The following RIC1 variants were observed in gnomAD, a reference collection of about 807,000 sequenced individuals.
RIC1 encodes RIC1 partner of RAB6A GEF complex.
RIC1 carries 88 observed loss-of-function variants against 169.0 expected under a neutral mutation model. That is an observed-to-expected ratio of 0.52 (90% CI 0.44 to 0.62). The LOEUF is 0.62. RIC1 is among the 20% of genes least tolerant of loss of function. The pLI, the probability that RIC1 is intolerant of heterozygous loss-of-function variation, is 0.00. For missense variants in RIC1, 1,877 were observed against 1,725.5 expected, an observed-to-expected ratio of 1.09 and a Z score of -1.56; for synonymous variants, 790 against 601.5, an observed-to-expected ratio of 1.31 and a Z score of -4.59.
chr9:5,714,556 A>C (rs1357466083), intron 4 of RIC1, among the ~76,000 whole-genome samples: 1 of 152,160 alleles, frequency 6.6e-6, no homozygotes, highest in African/African-American at 2.4e-5. Flanking sequence ...TTTAGTTGTC[A>C]CTTAGTTTAG....
intron 6 of RIC1, among the ~76,000 whole-genome samples, chr9:5,722,635 C>T (rs964112694): frequency 1.3e-5 from 2 of 152,012 alleles, no homozygotes; most frequent in African/African-American, 2.4e-5. Context: ...TACACATGTG[C>T]CATGTTGGTG....
At chr9:5,762,450 G>A (rs773953272) in intron 17 of RIC1, 91 bp from the exon 18 acceptor site, 4 of 1,459,476 alleles carry the variant, frequency 2.7e-6, no homozygotes, top group Non-Finnish European at 3.8e-6. Flanking sequence ...AATGTAGATT[G>A]TTTGACCTAT....
At chr9:5,632,259 C>G (rs1817751202) in intron 1 of RIC1, among the ~76,000 whole-genome samples, 1 of 152,120 alleles carries the variant, frequency 6.6e-6, no homozygotes, top group Non-Finnish European at 1.5e-5. Context: ...GTTTAGTAGT[C>G]TAAGCTGGTT....
intron 6 of RIC1, among the ~76,000 whole-genome samples, chr9:5,730,548 T>A (rs1327819275): frequency 6.6e-6 from 1 of 152,144 alleles, no homozygotes; most frequent in Non-Finnish European, 1.5e-5. Context: ...GGTGCATGTT[T>A]AAGTGGTAAT....
intron 4 of RIC1, among the ~76,000 whole-genome samples, chr9:5,716,403 A>G (rs537395121): frequency 1.3e-5 from 2 of 152,286 alleles, no homozygotes; most frequent in Non-Finnish European, 2.9e-5. Context: ...TCATGAGGTC[A>G]GGAGTTTGAG....
chr9:5,774,096 A>G lies in RIC1; in HGVS notation c.4122A>G (p.Ala1374=), dbSNP rs913175539. The change falls in exon 26 of 26, where the codon GCA becomes GCG. Residue 1374 remains alanine (A), a synonymous_variant. Coordinates refer to ENST00000414202, the MANE Select transcript of RIC1 (RefSeq NM_020829.4). ...CTCCAGAACAGACTAGCCCCCGGGC[A>G]GAGGAGAGCAGGGGCTCCTCCAGCC... ...GKTPEQTSPR[A]EESRGSSSHG... The G allele has an allele frequency of 2.5e-6, 4 of 1,614,142 alleles. No homozygotes were observed. In the Admixed American group the frequency reaches 6.7e-5, roughly 27 times the overall value.
intron 10 of RIC1, among the ~76,000 whole-genome samples, chr9:5,745,270 G>T (rs1224759186): frequency 4.6e-5 from 7 of 152,078 alleles, no homozygotes; most frequent in Non-Finnish European, 1.0e-4. Flanking sequence ...GGCTACCCCT[G>T]CCCCTTCACC....
At chr9:5,726,413 T>C (rs79322111) in intron 6 of RIC1, among the ~76,000 whole-genome samples, 1 of 152,208 alleles carries the variant, frequency 6.6e-6, no homozygotes, top group East Asian at 1.9e-4. Flanking sequence ...TTGGTTGATC[T>C]TCCTCCATCC....
At chr9:5,695,551 C>G (rs1821842452) in intron 3 of RIC1, among the ~76,000 whole-genome samples, 1 of 150,146 alleles carries the variant, frequency 6.7e-6, no homozygotes, top group Non-Finnish European at 1.5e-5. Flanking sequence ...TGTCACTTTT[C>G]TCCTGGATTA....
chr9:5,722,989 G>C (rs2130878308), intron 6 of RIC1, among the ~76,000 whole-genome samples: 1 of 152,260 alleles, frequency 6.6e-6, no homozygotes, highest in South Asian at 2.1e-4. Context: ...CCAAGTCTTT[G>C]CTATTTGAAT....
intron 19 of RIC1, among the ~76,000 whole-genome samples, chr9:5,764,555 A>C (rs1431434811): frequency 1.3e-5 from 2 of 152,220 alleles, no homozygotes; most frequent in Non-Finnish European, 2.9e-5. Context: ...CATTGATGTA[A>C]GAAGCTAACC....
Position 5,659,375 on chromosome 9 carries a change from C to G in RIC1, c.252+2685C>G, listed in dbSNP as rs554919132. ...TTGTATTTCAGGATATAAGTCATGT[C>G]AACCCATTGTCAACCCATTGTAAGT... On this transcript the variant is annotated intron_variant, in intron 2 of 25. Coordinates refer to ENST00000414202, the MANE Select transcript of RIC1 (RefSeq NM_020829.4). 2.0e-5 allele frequency among the ~76,000 whole-genome samples: 3 copies of G among 152,180 alleles called. 1 individual carries two copies. In the South Asian group the frequency reaches 6.2e-4, roughly 32 times the overall value.
At position 5,713,976 on chromosome 9, in the gene RIC1, T is replaced by G; in HGVS notation, c.413T>G (p.Ile138Arg). 1 of 1,612,354 alleles carries G rather than the reference T, an allele frequency of 6.2e-7. No homozygotes were observed. The highest frequency in any genetic ancestry group is 8.5e-7 in the Non-Finnish European group (1 of 1,178,946). Residue 138 changes from isoleucine (I) to arginine (R), a missense_variant, in exon 4 of 26, where the codon ATA becomes AGA. Physicochemically the swap from Ile to Arg is moderately conservative, Grantham distance 97 (BLOSUM62 -3). This residue lies in a region of RIC1 where 1,104 missense variants were observed against 992.0 expected (regional missense o/e 1.11). Coordinates refer to ENST00000414202, the MANE Select transcript of RIC1 (RefSeq NM_020829.4). ...GCATTAAATTTGGAGATGAGGAAAA[T>G]ACTGGATTTACAAGCACCCATCATG... The part of the protein sequence containing the change: ...APALNLEMRK[I>R]LDLQAPIMSL...
At chr9:5,637,611 G>C (rs562066991) in intron 1 of RIC1, among the ~76,000 whole-genome samples, 1 of 151,948 alleles carries the variant, frequency 6.6e-6, no homozygotes, top group East Asian at 1.9e-4. Context: ...TATCCCCCCA[G>C]TTACCTTTCT....
At chr9:5,758,025 A>G (rs1185982185) in intron 17 of RIC1, among the ~76,000 whole-genome samples, 1 of 152,210 alleles carries the variant, frequency 6.6e-6, no homozygotes, top group Non-Finnish European at 1.5e-5. Flanking sequence ...AGGAAAATGA[A>G]CTGAAGTAAG....
At chr9:5,649,690 T>A (rs1223926428) in intron 1 of RIC1, among the ~76,000 whole-genome samples, 1 of 152,040 alleles carries the variant, frequency 6.6e-6, no homozygotes, top group Non-Finnish European at 1.5e-5. Flanking sequence ...TTTATTAGAA[T>A]CTGTTGCTGG....
intron 4 of RIC1, 50 bp from the exon 5 acceptor site, chr9:5,720,132 C>T (rs2130862526): frequency 5.4e-6 from 8 of 1,468,022 alleles, no homozygotes; most frequent in Non-Finnish European, 7.5e-6. Context: ...TATTCATACA[C>T]ATTGCTTTCC....
chr9:5,637,686 C>G (rs931914302), intron 1 of RIC1, among the ~76,000 whole-genome samples: 9 of 152,184 alleles, frequency 5.9e-5, no homozygotes, highest in African/African-American at 2.2e-4. Flanking sequence ...ATTTGTAGAT[C>G]CCACAAATAA....
chr9:5,663,631 G>T (rs984300188), intron 2 of RIC1, among the ~76,000 whole-genome samples: 1 of 152,056 alleles, frequency 6.6e-6, no homozygotes, highest in African/African-American at 2.4e-5. Flanking sequence ...TAGGATCGCA[G>T]TCCGTGGTTC....
Sources: allele counts gnomAD v4.1 joint callset (sites outside exome capture counted in the v4.1 genomes callset), GRCh38; gene constraint gnomAD v4.1.1; regional missense constraint gnomAD v4.1.1; transcripts MANE v1.5; gene names NCBI Gene and HGNC (gene_info 2026-07-23, HGNC 2026-07-21).